The following FMN2 variants were observed in gnomAD, a reference collection of about 807,000 sequenced individuals.
FMN2 encodes the protein formin 2, also known as formin-2.
FMN2 carries 51 observed loss-of-function variants against 142.3 expected under a neutral mutation model. That is an observed-to-expected ratio of 0.36 (90% CI 0.29 to 0.45). FMN2 has a LOEUF of 0.45. Among genes scored for constraint, FMN2 ranks in the 20% least tolerant of loss-of-function variants. The pLI is 1.00. For synonymous variants in FMN2, 882 were observed against 869.8 expected (o/e 1.01, Z -0.25); for missense variants, 1,936 against 2,122.8 (o/e 0.91, Z 1.73).
intron 7 of FMN2, among the ~76,000 whole-genome samples, chr1:240,261,686 AC>A (rs1446912539): frequency 1.3e-5 from 2 of 152,184 alleles, no homozygotes; most frequent in Admixed American, 1.3e-4. Flanking sequence ...AGCAACACAT[AC>A]ATTCAAAAGG....
intron 13 of FMN2, among the ~76,000 whole-genome samples, chr1:240,341,895 A>G (rs1671757607): frequency 6.6e-6 from 1 of 152,182 alleles, no homozygotes; most frequent in South Asian, 2.1e-4. Flanking sequence ...CCCCAGGCAT[A>G]GAGTTGCATG....
chr1:240,140,494 C>A (rs1663134166), intron 2 of FMN2, among the ~76,000 whole-genome samples: 1 of 152,206 alleles, frequency 6.6e-6, no homozygotes, highest in African/African-American at 2.4e-5. Context: ...CAGATCCACG[C>A]AGGTTGGAAC....
At chr1:240,282,621 A>G (rs972094726) in intron 7 of FMN2, among the ~76,000 whole-genome samples, 1 of 152,242 alleles carries the variant, frequency 6.6e-6, no homozygotes, top group Non-Finnish European at 1.5e-5. Context: ...AATGCCTGGC[A>G]GCACGTCTTC....
chr1:240,198,979 CCTGTAGTCCCAG>C (rs1460152010), intron 4 of FMN2, among the ~76,000 whole-genome samples: 2 of 152,112 alleles, frequency 1.3e-5, no homozygotes, highest in African/African-American at 4.8e-5. Context: ...GTGGCTTGTG[CCTGTAGTCCCAG>C]CTACTCGGGA....
intron 8 of FMN2, among the ~76,000 whole-genome samples, chr1:240,301,743 T>A (rs1038004886): frequency 1.3e-5 from 2 of 152,194 alleles, no homozygotes; most frequent in Non-Finnish European, 2.9e-5. Context: ...ATTGTTACTT[T>A]GTATTAATAC....
At position 240,094,213 on chromosome 1, in the gene FMN2, AT is replaced by A. The variant is rs570130614; in HGVS notation, c.1615+492del. ...TCTGACCGCTCTCATAGCTGTGTGT[AT>A]TTGTCCACGTTTGGTATGTATGTGA... On this transcript the variant is annotated intron_variant, in intron 1 of 17. Transcript: ENST00000319653. Among the ~76,000 whole-genome samples the A allele has an allele frequency of 3.5e-3, 537 of 152,192 alleles. 3 individuals are homozygous for A. Among genetic ancestry groups the A allele is most frequent in the African/African-American group, 0.012 (514 of 41,502 alleles).
chr1:240,152,147 A>G lies in FMN2; in HGVS notation c.1783-25774A>G, dbSNP rs190690385. ...AGCACTTTTCATATTCCCTTTTCTTATTCCTTCTTGAGGGTAGGTACCACC... is the reference window on the plus strand; with the variant it reads ...AGCACTTTTCATATTCCCTTTTCTTGTTCCTTCTTGAGGGTAGGTACCACC... On this transcript the variant is annotated intron_variant, in intron 2 of 17. Coordinates refer to ENST00000319653, the MANE Select transcript of FMN2 (RefSeq NM_020066.5). 2.2e-3 allele frequency among the ~76,000 whole-genome samples: 328 copies of G among 151,902 alleles called. 1 individual carries two copies. The highest frequency in any genetic ancestry group is 3.9e-3 in the Non-Finnish European group (263 of 67,920).
chr1:240,279,718 A>G (rs193243576), intron 7 of FMN2, among the ~76,000 whole-genome samples: 2 of 152,176 alleles, frequency 1.3e-5, no homozygotes, highest in African/African-American at 4.8e-5. Flanking sequence ...ACACCTCCCC[A>G]TATTTAACTA....
intron 2 of FMN2, 75 bp from the exon 3 acceptor site, chr1:240,177,846 G>T (rs1664983643): frequency 7.9e-6 from 10 of 1,258,038 alleles, no homozygotes; most frequent in Non-Finnish European, 1.1e-5. Flanking sequence ...AAATGATTTT[G>T]CAATGTATTA....
rs372602602 is a variant in FMN2, at chr1:240,177,906, T to C, written c.1783-15T>C. On this transcript the variant is annotated splice_polypyrimidine_tract_variant and intron_variant, in intron 2 of 17. Coordinates refer to ENST00000319653, the MANE Select transcript of FMN2 (RefSeq NM_020066.5). Reference sequence around the variant, plus strand: ...GAATTAATAGCATTTCAACATTTTTTATTTTTAAATATAGCAAGATCAACT... The same window carrying C: ...GAATTAATAGCATTTCAACATTTTTCATTTTTAAATATAGCAAGATCAACT... 2.3e-4 allele frequency: 356 copies of C among 1,542,840 alleles called. 1 individual carries two copies. In the African/African-American group the frequency reaches 4.6e-3, roughly 20 times the overall value.
Position 240,206,722 on chromosome 1 carries a change from T to C in FMN2, c.1987-77T>C, listed in dbSNP as rs1164694702. The C allele has an allele frequency of 7.4e-6, 11 of 1,480,894 alleles. No individual in the cohort carries two copies. The East Asian group carries it at 9.2e-5, about 12-fold the overall frequency. The allele number at this position is 1,480,894 out of a possible 1,614,324, so 91.7% of individuals were successfully genotyped here. ...CTGGAAGTATGACAACAAACAGATATAATTTTGCTTAATTTTTTGCTATTT... is the reference window on the plus strand; with the variant it reads ...CTGGAAGTATGACAACAAACAGATACAATTTTGCTTAATTTTTTGCTATTT... On this transcript the variant is annotated intron_variant, in intron 4 of 17. Transcript: ENST00000319653.
intron 8 of FMN2, among the ~76,000 whole-genome samples, chr1:240,314,701 C>T (rs1670711758): frequency 6.6e-6 from 1 of 152,048 alleles, no homozygotes; most frequent in Admixed American, 6.6e-5. Flanking sequence ...AATGGAAACC[C>T]TTGTTTGCTT....
chr1:240,350,844 A>G (rs1672073413), intron 13 of FMN2, among the ~76,000 whole-genome samples: 1 of 152,226 alleles, frequency 6.6e-6, no homozygotes, highest in Non-Finnish European at 1.5e-5. Context: ...TTAAGTGGTG[A>G]GAGTATGTCT....
intron 7 of FMN2, among the ~76,000 whole-genome samples, chr1:240,268,913 G>A (rs996886655): frequency 1.3e-5 from 2 of 151,852 alleles, no homozygotes; most frequent in East Asian, 1.9e-4. Context: ...CTGTTATTGA[G>A]TAGTTTGTTA....
chr1:240,428,689 T>C (rs1675039886), intron 15 of FMN2, among the ~76,000 whole-genome samples: 1 of 152,242 alleles, frequency 6.6e-6, no homozygotes. Flanking sequence ...CATTGTGGAA[T>C]GGCTAAATTG....
In FMN2 at chr1:240,093,580, G is replaced by T; in HGVS notation, c.1471G>T (p.Ala491Ser). ...RSADWTEELG[A>S]RTPRVGGSAH... ...GGCTGACTGGACGGAGGAGCTAGGCGCCCGCACGCCCCGGGTGGGAGGCTC... is the reference window on the plus strand; with the variant it reads ...GGCTGACTGGACGGAGGAGCTAGGCTCCCGCACGCCCCGGGTGGGAGGCTC... The change falls in exon 1 of 18, where the codon GCC (alanine) becomes TCC (serine). Residue 491 changes from alanine (A) to serine (S), a missense_variant. Physicochemically the swap from Ala to Ser is moderately conservative, Grantham distance 99. Coordinates refer to ENST00000319653, the MANE Select transcript of FMN2 (RefSeq NM_020066.5). 1 of 1,453,706 alleles carries T rather than the reference G, an allele frequency of 6.9e-7. No individual in the cohort carries two copies. Among genetic ancestry groups the T allele is most frequent in the East Asian group, 2.7e-5 (1 of 37,264 alleles). 90.1% of individuals were successfully genotyped at this position (1,453,706 alleles called of 1,614,324 possible). A position where few individuals can be genotyped will look rare whatever the true frequency, so the allele number is the denominator to read the frequency against.
intron 11 of FMN2, among the ~76,000 whole-genome samples, chr1:240,332,905 G>C (rs1289167758): frequency 1.3e-5 from 2 of 152,144 alleles, no homozygotes; most frequent in African/African-American, 4.8e-5. Context: ...TTGGGAGAGA[G>C]AAAGGAAGTC....
At chr1:240,439,073 G>C (rs1040289065) in intron 16 of FMN2, among the ~76,000 whole-genome samples, 1 of 151,962 alleles carries the variant, frequency 6.6e-6, no homozygotes, top group Non-Finnish European at 1.5e-5. Context: ...AGGAGTTCAA[G>C]ACCAGCCTGG....
chr1:240,436,498 T>G (rs963317964), intron 15 of FMN2, among the ~76,000 whole-genome samples: 1 of 152,040 alleles, frequency 6.6e-6, no homozygotes, highest in African/African-American at 2.4e-5. Context: ...CTGAGCAAAC[T>G]CACCTTAAAG....
Sources: allele counts gnomAD v4.1 joint callset (sites outside exome capture counted in the v4.1 genomes callset), GRCh38; gene constraint gnomAD v4.1.1; transcripts MANE v1.5; gene names NCBI Gene and HGNC (gene_info 2026-07-23, HGNC 2026-07-21).